The following PTPRH variants were observed in gnomAD, a reference collection of about 807,000 sequenced individuals.
PTPRH encodes receptor-type tyrosine-protein phosphatase H.
In PTPRH, 113 loss-of-function variants were observed where a neutral mutation model predicts 130.2. The observed-to-expected ratio is 0.87, with a 90% CI of 0.75 to 1.01. The LOEUF (loss-of-function observed/expected upper bound fraction) is 1.01, where lower values mean the gene tolerates loss of function less well. Among genes scored for constraint, PTPRH ranks in the 50% least tolerant of loss-of-function variants. The pLI, the probability that PTPRH is intolerant of heterozygous loss-of-function variation, is 0.00. For missense variants in PTPRH, 1,430 were observed against 1,425.0 expected (o/e 1.00, Z -0.06); for synonymous variants, 556 against 577.9 (o/e 0.96, Z 0.54).
chr19:55,188,577 TA>T (rs2086435624), intron 12 of PTPRH, among the ~76,000 whole-genome samples: 1 of 152,186 alleles, frequency 6.6e-6, no homozygotes, highest in Admixed American at 6.5e-5. Context: ...GCCCTACACT[TA>T]CACTTCTCAT....
Position 55,185,896 on chromosome 19 carries a change from T to C in PTPRH, c.2867A>G (p.Glu956Gly). The C allele has an allele frequency of 1.2e-6, 2 of 1,614,148 alleles. No individual in the cohort carries two copies. Among genetic ancestry groups the C allele is most frequent in the Non-Finnish European group, 1.7e-6 (2 of 1,180,014 alleles). Residue 956 changes from glutamate (E) to glycine (G), a missense_variant, in exon 17 of 20, where the codon GAG becomes GGG. Physicochemically the swap from Glu to Gly is moderately conservative, Grantham distance 98. Coordinates refer to ENST00000376350, the MANE Select transcript of PTPRH (RefSeq NM_002842.5). Reference protein sequence around the residue: ...RVTLVGEEVMENWTVRELLLL... With the variant: ...RVTLVGEEVMGNWTVRELLLL... ...CAGCAGTTCCCGCACCGTCCAGTTCTCCATCACTTCCTCACCTACCAGGGT... is the reference window on the plus strand; with the variant it reads ...CAGCAGTTCCCGCACCGTCCAGTTCCCCATCACTTCCTCACCTACCAGGGT...
At chr19:55,188,437 C>T (rs1015793855) in intron 12 of PTPRH, among the ~76,000 whole-genome samples, 4 of 152,104 alleles carry the variant, frequency 2.6e-5, no homozygotes, top group South Asian at 2.1e-4. Flanking sequence ...CTCTTGAACC[C>T]GTGAGGCAGA....
chr19:55,195,786 G>A (rs956329454), intron 10 of PTPRH, among the ~76,000 whole-genome samples: 1 of 152,204 alleles, frequency 6.6e-6, no homozygotes, highest in South Asian at 2.1e-4. Flanking sequence ...GCCCAGACTG[G>A]TCTCGAACTC....
chr19:55,198,854 C>T lies in PTPRH; in HGVS notation c.1479G>A (p.Leu493=). ...CTGGGCCCTGGGGAGCTGTCCAGCG[C>T]AAAGCAATGGTGCTGTTGGTCCAGT... is the stretch of plus-strand genomic sequence containing the variant. ...KQDWTNSTIA[L]RWTAPQGPGQ... Residue 493 remains leucine (L), a synonymous_variant, in exon 8 of 20, where the codon TTG becomes TTA. Transcript: ENST00000376350. The T allele has an allele frequency of 6.3e-7, 1 of 1,578,168 alleles. No individual in the cohort carries two copies. Among genetic ancestry groups the T allele is most frequent in the Non-Finnish European group, 8.6e-7 (1 of 1,159,738 alleles).
At chr19:55,187,067 C>A (rs1051960823) in intron 14 of PTPRH, among the ~76,000 whole-genome samples, 6 of 147,478 alleles carry the variant, frequency 4.1e-5, no homozygotes, top group African/African-American at 1.3e-4. Context: ...GGTGGGGGGC[C>A]GGGCGCAGTG....
At chr19:55,192,418 A>C (rs1320120438) in intron 10 of PTPRH, among the ~76,000 whole-genome samples, 2 of 151,954 alleles carry the variant, frequency 1.3e-5, no homozygotes, top group Non-Finnish European at 2.9e-5. Flanking sequence ...AAACAAACAA[A>C]CAAAAAGAAT....
intron 12 of PTPRH, among the ~76,000 whole-genome samples, chr19:55,190,369 CAAAA>C (rs550949670): frequency 9.6e-6 from 1 of 104,652 alleles, no homozygotes. Flanking sequence ...GACTCCACCT[CAAAA>C]AAAAAAAAAA....
intron 10 of PTPRH, chr19:55,192,037 C>T (rs971595904): frequency 4.0e-5 from 21 of 527,982 alleles, no homozygotes; most frequent in Admixed American, 1.4e-4. Context: ...TAATAAATAG[C>T]GAGTACATTT....
chr19:55,207,131 C>T (rs142244697), intron 2 of PTPRH, 35 bp downstream of exon 2: 18 of 1,611,572 alleles, frequency 1.1e-5, no homozygotes, highest in African/African-American at 9.3e-5. Flanking sequence ...CCCACCTCTT[C>T]GAGTGGGCAG....
chr19:55,190,330 A>T (rs2086488567), intron 12 of PTPRH, among the ~76,000 whole-genome samples: 1 of 148,646 alleles, frequency 6.7e-6, no homozygotes, highest in African/African-American at 2.5e-5. Flanking sequence ...AGATCATGCC[A>T]CTGCACTTCA....
chr19:55,203,156 T>C (rs2086922923), intron 5 of PTPRH, among the ~76,000 whole-genome samples: 2 of 149,926 alleles, frequency 1.3e-5, no homozygotes, highest in Non-Finnish European at 3.0e-5. Context: ...GTGAAACCCG[T>C]CTCTACTAAA....
rs1191527389 is a variant in PTPRH at position 55,186,684 on chromosome 19, G to A, written c.2567-144C>T. The stretch of plus-strand genomic sequence containing the variant: ...CATGCCGAGACGCAGGCAGACCTTG[G>A]GAGCTACACAGGGACTGAGAGGGGC... On this transcript the variant is annotated intron_variant, in intron 14 of 19. Coordinates refer to ENST00000376350, the MANE Select transcript of PTPRH (RefSeq NM_002842.5). 15 of 349,608 alleles carry A rather than the reference G, an allele frequency of 4.3e-5. 1 individual carries two copies. Among genetic ancestry groups the A allele is most frequent in the Non-Finnish European group, 5.5e-5 (14 of 256,776 alleles). 21.7% of individuals were successfully genotyped at this position (349,608 alleles called of 1,614,324 possible). A position where few individuals can be genotyped will look rare whatever the true frequency, so the allele number is the denominator to read the frequency against.
chr19:55,198,457 C>G (rs750828086), intron 8 of PTPRH, among the ~76,000 whole-genome samples, 186 bp downstream of exon 8: 1 of 152,164 alleles, frequency 6.6e-6, no homozygotes. Context: ...GGTCCCACAG[C>G]TTGGAAAGCC....
At chr19:55,182,404 A>T (rs1481656001) in intron 18 of PTPRH, among the ~76,000 whole-genome samples, 4 of 152,138 alleles carry the variant, frequency 2.6e-5, no homozygotes, top group Admixed American at 2.6e-4. Context: ...CATGCCTGTA[A>T]TCCCAGCTAC....
chr19:55,209,369 CGG>C lies in PTPRH; in HGVS notation c.51+12_51+13del, dbSNP rs757612156. 172 of 1,559,780 alleles carry C rather than the reference CGG, an allele frequency of 1.1e-4. 1 individual carries two copies. Among genetic ancestry groups the C allele is most frequent in the Non-Finnish European group, 2.0e-5 (23 of 1,151,388 alleles). ...CCCTGCCTTGGGAGCCCGCTCTGGGCGGGGAGCACTTACCAGCAGCACCAGGT... is the reference window on the plus strand; with the variant it reads ...CCCTGCCTTGGGAGCCCGCTCTGGGCGGAGCACTTACCAGCAGCACCAGGT... On this transcript the variant is annotated intron_variant, in intron 1 of 19. Coordinates refer to ENST00000376350, the MANE Select transcript of PTPRH (RefSeq NM_002842.5). This position sits in a 1 kb window ranked among gnomAD's most constrained non-coding sequence, Gnocchi z 4.1.
chr19:55,207,831 C>A (rs556305963), intron 1 of PTPRH, among the ~76,000 whole-genome samples: 8 of 47,682 alleles, frequency 1.7e-4, no homozygotes, highest in Non-Finnish European at 2.2e-4. Context: ...GGAGGAGGGG[C>A]TGGGGGTCTC....
chr19:55,193,492 G>T (rs894203200), intron 10 of PTPRH, among the ~76,000 whole-genome samples: 13 of 152,148 alleles, frequency 8.5e-5, no homozygotes, highest in African/African-American at 3.1e-4. Context: ...TTAGACTAGT[G>T]GTTCTCAACA....
At chr19:55,200,836 G>A (rs1191764894) in intron 6 of PTPRH, among the ~76,000 whole-genome samples, 3 of 152,134 alleles carry the variant, frequency 2.0e-5, no homozygotes, top group East Asian at 1.9e-4. Context: ...CCAGCTACTC[G>A]GGAGGCTGAG....
In PTPRH at chr19:55,203,944, A is replaced by G; in HGVS notation, c.724T>C (p.Cys242Arg). 6.2e-7 allele frequency: 1 copy of G among 1,614,154 alleles called. No homozygotes were observed. The highest frequency in any genetic ancestry group is 8.5e-7 in the Non-Finnish European group (1 of 1,180,018). ...DGTDPQNSTY[C>R]VQCTGDGGRT... ...CCACCATCTCCAGTGCACTGAACGC[A>G]GTAGGTCGAGTTCTGTGGGTCTGTG... Residue 242 changes from cysteine to arginine, a missense_variant, in exon 5 of 20, where the codon TGC becomes CGC. Transcript: ENST00000376350.
Sources: allele counts gnomAD v4.1 joint callset (sites outside exome capture counted in the v4.1 genomes callset), GRCh38; gene constraint gnomAD v4.1.1; non-coding constraint Gnocchi (gnomAD v3.1); transcripts MANE v1.5; gene names NCBI Gene and HGNC (gene_info 2026-07-23, HGNC 2026-07-21).